Variants in LINGO2 observed in about 807,000 individuals in gnomAD.
LINGO2 encodes the protein leucine rich repeat and Ig domain containing 2.
LINGO2 carries 14 observed loss-of-function variants against 30.6 expected under a neutral mutation model. The observed-to-expected ratio is 0.46, with a 90% CI of 0.30 to 0.72. The LOEUF (loss-of-function observed/expected upper bound fraction) is 0.72. Ranked by LOEUF, LINGO2 falls within the 30% of genes least tolerant of loss-of-function variation. The pLI, the probability that LINGO2 is intolerant of heterozygous loss-of-function variation, is 0.07. For missense variants in LINGO2, 729 were observed against 751.7 expected (o/e 0.97, Z 0.35); for synonymous variants, 317 against 288.5 (o/e 1.10, Z -1.00).
In LINGO2 at chr9:28,192,872, G is replaced by A. The variant is rs370369162; in HGVS notation, c.-87+102336C>T. The stretch of plus-strand genomic sequence containing the variant: ...ATACATTTTTCTATGTGAAAATTTT[G>A]TCTTTTAGGCTTCTGCCTCCTTCCC... On this transcript the variant is annotated intron_variant, in intron 4 of 5. Coordinates refer to ENST00000379992, the Ensembl canonical transcript of LINGO2. Among the ~76,000 whole-genome samples the A allele has an allele frequency of 1.6e-4, 24 of 152,118 alleles. No homozygotes were observed. The East Asian group carries it at 4.4e-3, about 28-fold the overall frequency.
the LINGO2 span, among the ~76,000 whole-genome samples, chr9:28,828,707 G>A: frequency 1.3e-5 from 2 of 152,064 alleles, no homozygotes. Context: ...ATTAGTGAAT[G>A]AGAGGTAATC....
At chr9:28,770,357 C>T in the LINGO2 span, among the ~76,000 whole-genome samples, 2 of 152,182 alleles carry the variant, frequency 1.3e-5, no homozygotes, top group African/African-American at 4.8e-5. Flanking sequence ...AGTCTTCAGT[C>T]TCCCCAATGG....
chr9:28,370,266 C>A (rs1054422573), intron 3 of LINGO2, among the ~76,000 whole-genome samples: 2 of 152,150 alleles, frequency 1.3e-5, no homozygotes, highest in Admixed American at 6.5e-5. Flanking sequence ...GTTTACCCTG[C>A]AAATCATTAA....
At chr9:28,932,425 T>G in the LINGO2 span, among the ~76,000 whole-genome samples, 1 of 152,176 alleles carries the variant, frequency 6.6e-6, no homozygotes, top group Non-Finnish European at 1.5e-5. Flanking sequence ...AATCCAACTA[T>G]CCACATCTTT....
At chr9:29,113,440 G>C in the LINGO2 span, among the ~76,000 whole-genome samples, 1 of 152,100 alleles carries the variant, frequency 6.6e-6, no homozygotes, top group Non-Finnish European at 1.5e-5. Context: ...GAAGCCAGCA[G>C]GAGCAGACCA....
the LINGO2 span, among the ~76,000 whole-genome samples, chr9:29,139,916 C>CCT: frequency 6.6e-6 from 1 of 151,640 alleles, no homozygotes; most frequent in Non-Finnish European, 1.5e-5. Context: ...ATGCAGAGAA[C>CCT]CTGCAGAGCC....
intron 5 of LINGO2, among the ~76,000 whole-genome samples, chr9:27,969,740 C>T (rs1820266782): frequency 6.6e-6 from 1 of 151,958 alleles, no homozygotes; most frequent in Non-Finnish European, 1.5e-5. Context: ...CCAAAAAAAC[C>T]CTGAGTGGTA....
intron 4 of LINGO2, among the ~76,000 whole-genome samples, chr9:28,015,031 G>A (rs1822756525): frequency 6.6e-6 from 1 of 152,080 alleles, no homozygotes; most frequent in South Asian, 2.1e-4. Flanking sequence ...TTTTTAGTGG[G>A]TAGAGTTATA....
the LINGO2 span, among the ~76,000 whole-genome samples, chr9:28,752,538 A>C: frequency 6.6e-6 from 1 of 152,074 alleles, no homozygotes; most frequent in Non-Finnish European, 1.5e-5. Flanking sequence ...TTTCCACAGA[A>C]GAAATTTGGT....
At chr9:28,768,789 T>C in the LINGO2 span, among the ~76,000 whole-genome samples, 4 of 152,150 alleles carry the variant, frequency 2.6e-5, no homozygotes, top group Admixed American at 6.6e-5. Flanking sequence ...TACATCTCTA[T>C]CTTTTTCTAC....
chr9:28,411,586 A>T (rs1822765505), intron 2 of LINGO2, among the ~76,000 whole-genome samples: 1 of 152,148 alleles, frequency 6.6e-6, no homozygotes, highest in Admixed American at 6.6e-5. Context: ...AAGTTGTTGC[A>T]TAAACCATAA....
chr9:28,599,395 A>G (rs1045681376), intron 1 of LINGO2: 4 of 152,206 alleles, frequency 2.6e-5, no homozygotes, highest in African/African-American at 9.6e-5. Flanking sequence ...AAATGAGTTC[A>G]TTAAGTATTA....
the LINGO2 span, among the ~76,000 whole-genome samples, chr9:29,210,646 A>G: frequency 2.0e-5 from 3 of 152,206 alleles, no homozygotes; most frequent in African/African-American, 7.2e-5. Context: ...TGTGTTATTC[A>G]GCAATGAAAA....
chr9:28,406,375 G>A (rs552932172), intron 2 of LINGO2, among the ~76,000 whole-genome samples: 5 of 152,272 alleles, frequency 3.3e-5, no homozygotes, highest in African/African-American at 1.2e-4. Flanking sequence ...AGAGGTTGCA[G>A]TGAGCCAAGA....
chr9:28,193,770 C>A (rs1819906245), intron 4 of LINGO2, among the ~76,000 whole-genome samples: 1 of 152,180 alleles, frequency 6.6e-6, no homozygotes, highest in African/African-American at 2.4e-5. Context: ...GGTTCAGAGT[C>A]CCTCGTGTGA....
Position 28,555,392 on chromosome 9 carries a change from T to C in LINGO2, c.-364-79367A>G, listed in dbSNP as rs1017069613. Among the ~76,000 whole-genome samples, 30 of 150,130 alleles carry C rather than the reference T, an allele frequency of 2.0e-4. 1 individual carries two copies. The South Asian group carries it at 3.4e-3, about 17-fold the overall frequency. ...ACCTCTATGCAAATAAACTAGAAAA[T>C]CTAGAAGAAATGGATAAATTCCTTG... On this transcript the variant is annotated intron_variant, in intron 1 of 5. Coordinates refer to ENST00000379992, the Ensembl canonical transcript of LINGO2.
chr9:28,874,745 G>T, the LINGO2 span, among the ~76,000 whole-genome samples: 29 of 152,178 alleles, frequency 1.9e-4, no homozygotes, highest in South Asian at 1.0e-3. Flanking sequence ...TTCTAGATGT[G>T]AAATGCTTTA....
intron 4 of LINGO2, among the ~76,000 whole-genome samples, chr9:28,019,972 A>T (rs887786952): frequency 3.3e-5 from 5 of 152,148 alleles, no homozygotes; most frequent in African/African-American, 1.2e-4. Flanking sequence ...TAAAATCCCA[A>T]GAGCACCTGA....
intron 4 of LINGO2, among the ~76,000 whole-genome samples, chr9:28,110,622 A>G (rs1156407249): frequency 2.6e-5 from 4 of 152,216 alleles, no homozygotes; most frequent in Non-Finnish European, 5.9e-5. Flanking sequence ...CATGCAGCCA[A>G]CTAACGTATG....
Sources: allele counts gnomAD v4.1 joint callset (sites outside exome capture counted in the v4.1 genomes callset), GRCh38; gene constraint gnomAD v4.1.1; transcripts MANE v1.5; gene names NCBI Gene and HGNC (gene_info 2026-07-23, HGNC 2026-07-21).